The following UGT1A8 variants were observed in gnomAD, a reference collection of about 807,000 sequenced individuals.
UGT1A8 encodes UDP glucuronosyltransferase family 1 member A8.
In UGT1A8, 39 loss-of-function variants were observed where a neutral mutation model predicts 45.3. The observed-to-expected ratio is 0.86, with a 90% CI of 0.67 to 1.12. The LOEUF (loss-of-function observed/expected upper bound fraction) is 1.12. Ranked by LOEUF, UGT1A8 falls within the 50% of genes most tolerant of loss-of-function variation. UGT1A8 has a pLI of 0.00. For synonymous variants in UGT1A8, 275 were observed against 249.2 expected (o/e 1.10, Z -0.97); for missense variants, 719 against 664.9 (o/e 1.08, Z -0.90).
At chr2:233,688,598 G>T (rs2074903905) in intron 1 of UGT1A8, among the ~76,000 whole-genome samples, 1 of 152,116 alleles carries the variant, frequency 6.6e-6, no homozygotes, top group Non-Finnish European at 1.5e-5. Flanking sequence ...TGGTGTTACA[G>T]AATAACACCC....
intron 1 of UGT1A8, among the ~76,000 whole-genome samples, chr2:233,757,259 G>T (rs1043917928): frequency 2.0e-5 from 3 of 146,774 alleles, no homozygotes; most frequent in African/African-American, 7.6e-5. Context: ...TTATTCAGGT[G>T]GCAGCCGATG....
intron 1 of UGT1A8, among the ~76,000 whole-genome samples, chr2:233,730,659 C>T (rs572509077): frequency 5.9e-5 from 9 of 152,094 alleles, no homozygotes; most frequent in South Asian, 4.2e-4. Context: ...TCTCAGAGTT[C>T]GGAAGGCAAA....
chr2:233,758,943 A>T (rs1444308221), intron 1 of UGT1A8, among the ~76,000 whole-genome samples: 2 of 152,240 alleles, frequency 1.3e-5, no homozygotes, highest in Non-Finnish European at 2.9e-5. Context: ...CAAATCAGTC[A>T]TCAGAATTTC....
chr2:233,671,862 C>T lies in UGT1A8; in HGVS notation c.855+53300C>T, dbSNP rs576735288. Reference sequence around the variant, plus strand: ...CCCTCTATTGGGGTCAGGTTTTGTGCTGGTATTTCTCCCACCTACTGTATC... The same window carrying T: ...CCCTCTATTGGGGTCAGGTTTTGTGTTGGTATTTCTCCCACCTACTGTATC... On this transcript the variant is annotated intron_variant, in intron 1 of 4. Transcript: ENST00000373450. The T allele has an allele frequency of 9.2e-6, 14 of 1,513,722 alleles. No individual in the cohort carries two copies. In the South Asian group the frequency reaches 1.8e-4, roughly 19 times the overall value. The allele number at this position is 1,513,722 out of a possible 1,614,324, so 93.8% of individuals were successfully genotyped here.
chr2:233,707,715 G>T (rs1206424873), intron 1 of UGT1A8, among the ~76,000 whole-genome samples: 1 of 152,082 alleles, frequency 6.6e-6, no homozygotes, highest in Non-Finnish European at 1.5e-5. Context: ...TCACTACTGT[G>T]AACAATGTTA....
intron 1 of UGT1A8, chr2:233,690,760 TACACACACACACACATACACACAC>T: frequency 2.3e-5 from 21 of 905,434 alleles, no homozygotes; most frequent in Non-Finnish European, 2.8e-5. Flanking sequence ...AGTGCAGACA[TACACACACACACACATACACACAC>T]ACACACACAC....
At chr2:233,681,811 AT>A (rs1015363020) in intron 1 of UGT1A8, 88 of 1,486,588 alleles carry the variant, frequency 5.9e-5, no homozygotes, top group South Asian at 1.7e-4. Flanking sequence ...GTGAATGTGA[AT>A]TTTTTTTTAA....
intron 1 of UGT1A8, chr2:233,693,996 G>T: frequency 6.6e-7 from 1 of 1,508,252 alleles, no homozygotes; most frequent in African/African-American, 1.4e-5. Context: ...GTGATACCCG[G>T]CTCGGAGCAG....
intron 1 of UGT1A8, among the ~76,000 whole-genome samples, chr2:233,715,856 G>A (rs1421032184): frequency 2.6e-5 from 4 of 152,126 alleles, no homozygotes; most frequent in Non-Finnish European, 5.9e-5. Context: ...TGAAAAGCTG[G>A]GTGCAGTAGC....
At chr2:233,689,995 A>G (rs1388228753) in intron 1 of UGT1A8, 3 of 450,056 alleles carry the variant, frequency 6.7e-6, no homozygotes, top group Non-Finnish European at 1.3e-5. Flanking sequence ...AGGGATTCTC[A>G]CTTCATCTCA....
intron 1 of UGT1A8, among the ~76,000 whole-genome samples, chr2:233,701,595 T>G (rs557027411): frequency 7.9e-5 from 12 of 152,118 alleles, no homozygotes; most frequent in Non-Finnish European, 2.9e-5. Flanking sequence ...TAGTTGGAAG[T>G]AAAGCACTCC....
At chr2:233,706,986 A>C (rs936707267) in intron 1 of UGT1A8, among the ~76,000 whole-genome samples, 2 of 152,186 alleles carry the variant, frequency 1.3e-5, no homozygotes, top group Non-Finnish European at 2.9e-5. Context: ...ACAGATAGGC[A>C]GTAAGAATCA....
intron 1 of UGT1A8, chr2:233,721,797 A>G (rs7597496): frequency 0.51 from 260,053 of 511,456 alleles, 70,587 homozygotes; most frequent in African/African-American, 0.82. Context: ...TTTAAAGCAC[A>G]TGCAGCAAAA....
chr2:233,734,120 A>G (rs2078485100), intron 1 of UGT1A8, among the ~76,000 whole-genome samples: 1 of 152,036 alleles, frequency 6.6e-6, no homozygotes, highest in Non-Finnish European at 1.5e-5. Context: ...AATAATAATA[A>G]TAAAAAGAAT....
intron 1 of UGT1A8, among the ~76,000 whole-genome samples, chr2:233,669,160 C>T (rs2074133105): frequency 6.6e-6 from 1 of 152,146 alleles, no homozygotes; most frequent in Non-Finnish European, 1.5e-5. Context: ...ACTTCTATTT[C>T]TGGGTATTCT....
intron 1 of UGT1A8, among the ~76,000 whole-genome samples, chr2:233,620,606 CTATT>C (rs1321165485): frequency 1.3e-5 from 2 of 152,046 alleles, no homozygotes; most frequent in African/African-American, 2.4e-5. Flanking sequence ...GTTTCTATAT[CTATT>C]AAAGAATATA....
intron 1 of UGT1A8, chr2:233,729,725 C>G (rs780989099): frequency 1.1e-5 from 18 of 1,613,850 alleles, no homozygotes; most frequent in Non-Finnish European, 1.4e-5. Context: ...TTACTAACAA[C>G]CAATTCAGAC....
chr2:233,704,781 G>A (rs989120874), intron 1 of UGT1A8, among the ~76,000 whole-genome samples: 3 of 152,050 alleles, frequency 2.0e-5, no homozygotes, highest in South Asian at 4.2e-4. Context: ...ATATGTTATA[G>A]TCCCAACAAT....
At chr2:233,733,474 A>T (rs894713711) in intron 1 of UGT1A8, among the ~76,000 whole-genome samples, 1 of 152,316 alleles carries the variant, frequency 6.6e-6, no homozygotes, top group Admixed American at 6.5e-5. Context: ...TTATTTTGAG[A>T]TACTTCCATC....
Sources: gnomAD v4.1 joint callset for allele counts (sites outside exome capture counted in the v4.1 genomes callset) on GRCh38, gnomAD v4.1.1 for gene constraint, MANE v1.5 for transcripts, NCBI Gene and HGNC (gene_info 2026-07-23, HGNC 2026-07-21) for gene names.